PER1: variants seen among roughly 807,000 people sequenced by gnomAD.
PER1 encodes period circadian regulator 1.
Under a neutral mutation model 125.9 loss-of-function variants are expected in PER1, and 87 were observed. The ratio of observed to expected loss-of-function variants is 0.69; its 90% CI spans 0.58 to 0.83. The LOEUF (loss-of-function observed/expected upper bound fraction) is 0.83, where lower values mean the gene tolerates loss of function less well. Ranked by LOEUF, PER1 falls within the 40% of genes least tolerant of loss-of-function variation. The probability of loss-of-function intolerance (pLI) is 0.00; values close to 1 mark genes in which losing one functional copy is unlikely to be tolerated. For missense variants in PER1, 1,775 were observed against 1,722.8 expected, an observed-to-expected ratio of 1.03 and a Z score of -0.54; for synonymous variants, 801 against 714.7, an observed-to-expected ratio of 1.12 and a Z score of -1.93.
chr17:8,146,153 G>A lies in PER1; in HGVS notation c.2039-16C>T, dbSNP rs760565488. On this transcript the variant is annotated splice_polypyrimidine_tract_variant and intron_variant, in intron 16 of 22. Coordinates refer to ENST00000317276, the MANE Select transcript of PER1 (RefSeq NM_002616.3). ...GACGGCGGATCTGTGCAGAGAGATG[G>A]TGCCAGTTACCATCCCCACCCCCAC... 2.5e-6 allele frequency: 4 copies of A among 1,573,868 alleles called. No individual in the cohort carries two copies. Among genetic ancestry groups the A allele is most frequent in the Non-Finnish European group, 2.6e-6 (3 of 1,159,550 alleles).
rs1982693952 is a variant in PER1, at chr17:8,149,529, A to G, written c.786T>C (p.Asp262=). 6 of 1,613,752 alleles carry G rather than the reference A, an allele frequency of 3.7e-6. No individual in the cohort carries two copies. The highest frequency in any genetic ancestry group is 5.1e-6 in the Non-Finnish European group (6 of 1,179,974). ...TRFSELLAPQ[D]VGVFYGSTAP... is the part of the protein sequence containing the mutation. ...CAGTGGAACCATAGAAGACTCCCAC[A>G]TCCTGGGGAGCCAGGAGCTCAGAGA... Residue 262 remains aspartate, a synonymous_variant, in exon 6 of 23, where the codon GAT becomes GAC. Coordinates refer to ENST00000317276, the MANE Select transcript of PER1 (RefSeq NM_002616.3).
chr17:8,146,828 T>G, intron 14 of PER1, 63 bp from the exon 15 acceptor site: 2 of 1,605,072 alleles, frequency 1.2e-6, no homozygotes, highest in African/African-American at 1.3e-5. Flanking sequence ...AAACAGCAAA[T>G]GGGTTGGGGG....
rs370025276 is a variant in PER1, at chr17:8,147,815, G to T, written c.1247C>A (p.Ala416Glu). The T allele has an allele frequency of 6.2e-7, 1 of 1,613,748 alleles. No individual in the cohort carries two copies. The highest frequency in any genetic ancestry group is 8.5e-7 in the Non-Finnish European group (1 of 1,179,960). Residue 416 changes from alanine to glutamate, a missense_variant, in exon 11 of 23, where the codon GCG becomes GAG. Physicochemically the swap from Ala to Glu is moderately radical, Grantham distance 107 (BLOSUM62 -1). Transcript: ENST00000317276. ...LAIHKKILQL[A>E]GQPFDHSPIR... ...AGGGGAGTGGTCAAAGGGCTGGCCC[G>T]CCAACTGCAGAACTGATGGAAGTGG...
Position 8,145,992 on chromosome 17 carries a change from G to A in PER1, c.2184C>T (p.Ile728=), listed in dbSNP as rs546739648. 2.1e-5 allele frequency: 34 copies of A among 1,612,590 alleles called. No individual in the cohort carries two copies. The highest frequency in any genetic ancestry group is 5.3e-5 in the African/African-American group (4 of 75,016). ...GGGGCTTCTTGTCTCCCACATGGAC[G>A]ATGGTGGAGCTGAAGCTACACTGAC... ...VTSQCSFSST[I]VHVGDKKPPE... is the part of the protein sequence containing the mutation. Residue 728 remains isoleucine (I), a synonymous_variant, in exon 17 of 23, where the codon ATC becomes ATT. Transcript: ENST00000317276.
intron 22 of PER1, 136 bp from the exon 23 acceptor site, chr17:8,141,476 G>T: frequency 9.5e-7 from 1 of 1,048,052 alleles, no homozygotes; most frequent in Non-Finnish European, 1.4e-6. Flanking sequence ...AGATGCACCT[G>T]CGGTCCAACA....
At chr17:8,148,886 G>A (rs1484560290) in intron 7 of PER1, 100 bp from the exon 8 acceptor site, 59 of 1,411,866 alleles carry the variant, frequency 4.2e-5, no homozygotes, top group Non-Finnish European at 5.4e-5. Context: ...GCTGGGGAGG[G>A]GGCAGGAGGA....
intron 17 of PER1, 54 bp downstream of exon 17, chr17:8,145,904 C>T: frequency 6.5e-7 from 1 of 1,535,366 alleles, no homozygotes; most frequent in Non-Finnish European, 8.8e-7. Flanking sequence ...GGAGGGAGCT[C>T]TAGCTGGGAG....
In PER1 at chr17:8,149,956, G is replaced by A. The variant is rs1407962978; in HGVS notation, c.529+15C>T. On this transcript the variant is annotated intron_variant, in intron 4 of 22. Coordinates refer to ENST00000317276, the MANE Select transcript of PER1 (RefSeq NM_002616.3). ...CCCAGGCCCAGGCCATTCCCTCTTG[G>A]GACACACCACTTACCCTGCACCTGC... is the stretch of plus-strand genomic sequence containing the variant. 3 of 1,613,454 alleles carry A rather than the reference G, an allele frequency of 1.9e-6. No homozygotes were observed. Among genetic ancestry groups the A allele is most frequent in the Non-Finnish European group, 2.5e-6 (3 of 1,179,606 alleles).
chr17:8,147,775 G>A lies in PER1; in HGVS notation c.1287C>T (p.Ala429=), dbSNP rs764870707. The change falls in exon 11 of 23, where the codon GCC becomes GCT. Residue 429 remains alanine (A), a synonymous_variant. Coordinates refer to ENST00000317276, the MANE Select transcript of PER1 (RefSeq NM_002616.3). ...PFDHSPIRFC[A]RNGEYVTMDT... ...CCATGGTGACATACTCCCCGTTGCGGGCACAGAAGCGGATAGGGGAGTGGT... is the reference window on the plus strand; with the variant it reads ...CCATGGTGACATACTCCCCGTTGCGAGCACAGAAGCGGATAGGGGAGTGGT... 6.2e-7 allele frequency: 1 copy of A among 1,614,074 alleles called. No individual in the cohort carries two copies. Among genetic ancestry groups the A allele is most frequent in the Non-Finnish European group, 8.5e-7 (1 of 1,179,998 alleles).
In PER1 at chr17:8,142,471, G is replaced by A. The variant is rs768367754; in HGVS notation, c.3260-13C>T. On this transcript the variant is annotated splice_polypyrimidine_tract_variant and intron_variant, in intron 20 of 22. Transcript: ENST00000317276. ...CTCTGGCTGCTGCCTGTGAAGTGGGGGGCAGACCAATGGGAGTCAGGCCGG... is the reference window on the plus strand; with the variant it reads ...CTCTGGCTGCTGCCTGTGAAGTGGGAGGCAGACCAATGGGAGTCAGGCCGG... The A allele has an allele frequency of 3.2e-6, 5 of 1,565,916 alleles. No homozygotes were observed. The Admixed American group carries it at 9.2e-5, about 29-fold the overall frequency.
chr17:8,146,342 C>T, intron 16 of PER1, 30 bp downstream of exon 16: 1 of 1,575,840 alleles, frequency 6.3e-7, no homozygotes, highest in Non-Finnish European at 8.6e-7. Context: ...CAGGACGGGG[C>T]AGTGGGAGCA....
At chr17:8,147,632 T>A (rs894827061) in intron 11 of PER1, 42 bp downstream of exon 11, 1 of 1,613,630 alleles carries the variant, frequency 6.2e-7, no homozygotes, top group Non-Finnish European at 8.5e-7. Flanking sequence ...CCCACCGCAC[T>A]GCCCTATCCC....
intron 8 of PER1, 78 bp downstream of exon 8, chr17:8,148,566 C>G (rs1414150005): frequency 7.4e-6 from 11 of 1,481,238 alleles, no homozygotes; most frequent in Non-Finnish European, 1.0e-5. Context: ...GTGGTTCATG[C>G]CTCCCAAATT....
At chr17:8,149,401 C>A (rs900935287) in intron 6 of PER1, 61 bp downstream of exon 6, 2 of 1,605,686 alleles carry the variant, frequency 1.2e-6, no homozygotes, top group Non-Finnish European at 1.7e-6. Context: ...GTTCCCCGGC[C>A]CCTCACAGCA....
At chr17:8,149,407 C>T (rs1283432338) in intron 6 of PER1, 55 bp downstream of exon 6, 1 of 1,607,256 alleles carries the variant, frequency 6.2e-7, no homozygotes, top group Admixed American at 1.7e-5. Flanking sequence ...CGGCCCCTCA[C>T]AGCAGGAATT....
At chr17:8,144,549 G>C (rs1982298576) in intron 18 of PER1, 1 of 610,126 alleles carries the variant, frequency 1.6e-6, no homozygotes, top group African/African-American at 1.9e-5. Context: ...ATCCCCCCAG[G>C]CTGCCCTCCT....
chr17:8,147,570 A>T lies in PER1; in HGVS notation c.1397T>A (p.Leu466Gln). 1 of 1,613,484 alleles carries T rather than the reference A, an allele frequency of 6.2e-7. No individual in the cohort carries two copies. Among genetic ancestry groups the T allele is most frequent in the Non-Finnish European group, 8.5e-7 (1 of 1,179,606 alleles). The change falls in exon 12 of 23, where the codon CTG becomes CAG. Residue 466 changes from leucine (L) to glutamine (Q), a missense_variant. Leu to Gln is a moderately radical substitution (Grantham distance 113). Transcript: ENST00000317276. Reference protein sequence around the residue: ...LGRHKVRTAPLNEDVFTPPAP... With the variant: ...LGRHKVRTAPQNEDVFTPPAP... Reference sequence around the variant, plus strand: ...CGGGGGAGTGAACACGTCCTCATTCAGGGGGGCCCTGTAGAGTGAAGAGTG... The same window carrying T: ...CGGGGGAGTGAACACGTCCTCATTCTGGGGGGCCCTGTAGAGTGAAGAGTG...
Position 8,147,238 on chromosome 17 carries a change from C to G in PER1, c.1629+12G>C. ...GGGCGATTAGAGGGTGAGGTAGGAG[C>G]AGGTCACTCACTGGCGCAGGAGGCC... On this transcript the variant is annotated intron_variant, in intron 13 of 22. Transcript: ENST00000317276. 1 of 1,599,380 alleles carries G rather than the reference C, an allele frequency of 6.3e-7. No homozygotes were observed.
At chr17:8,145,324 CTTTTTTTTTT>C (rs398030276) in intron 17 of PER1, among the ~76,000 whole-genome samples, 7 of 125,518 alleles carry the variant, frequency 5.6e-5, no homozygotes, top group African/African-American at 2.1e-4. Context: ...TTTCTTGTTT[CTTTTTTTTTT>C]TTTTTTTGAC....
Sources: gnomAD v4.1 joint callset for allele counts (sites outside exome capture counted in the v4.1 genomes callset) on GRCh38, gnomAD v4.1.1 for gene constraint, MANE v1.5 for transcripts, NCBI Gene and HGNC (gene_info 2026-07-23, HGNC 2026-07-21) for gene names.